The following GRM5 variants were observed in gnomAD, a reference collection of about 807,000 sequenced individuals.
The protein encoded by GRM5 is metabotropic glutamate receptor 5.
GRM5 carries 19 observed loss-of-function variants against 83.1 expected under a neutral mutation model. The observed-to-expected ratio is 0.23, with a 90% confidence interval of 0.16 to 0.34. GRM5 has a LOEUF of 0.34. Among genes scored for constraint, GRM5 ranks in the 10% least tolerant of loss-of-function variants. GRM5 has a pLI of 1.00. For missense variants in GRM5, 1,160 were observed against 1,588.3 expected, an observed-to-expected ratio of 0.73 and a Z score of 4.58; for synonymous variants, 675 against 633.6, an observed-to-expected ratio of 1.07 and a Z score of -0.98.
intron 2 of GRM5, among the ~76,000 whole-genome samples, chr11:88,956,561 C>CTT (rs1938621119): frequency 6.6e-6 from 1 of 152,184 alleles, no homozygotes; most frequent in Non-Finnish European, 1.5e-5. Context: ...AAACCCAGCA[C>CTT]TTTCGGCGGC....
chr11:88,820,585 G>T (rs1227978759), intron 3 of GRM5, among the ~76,000 whole-genome samples: 1 of 152,092 alleles, frequency 6.6e-6, no homozygotes, highest in Non-Finnish European at 1.5e-5. Flanking sequence ...GCAATCTTGG[G>T]CAAATAGCTT....
At chr11:88,667,325 T>G (rs781371056) in intron 3 of GRM5, among the ~76,000 whole-genome samples, 3 of 152,084 alleles carry the variant, frequency 2.0e-5, no homozygotes, top group Non-Finnish European at 4.4e-5. Flanking sequence ...GAAATCATAT[T>G]TGAAGAGATA....
chr11:89,065,017 G>A (rs67346219), intron 1 of GRM5, among the ~76,000 whole-genome samples: 35,256 of 149,202 alleles, frequency 0.24, 4,932 homozygotes, highest in Non-Finnish European at 0.32. Context: ...TCCACTGGGA[G>A]TATATGAACT....
chr11:88,630,596 A>G (rs12291784), intron 4 of GRM5, among the ~76,000 whole-genome samples: 104,939 of 150,212 alleles, frequency 0.7, 41,713 homozygotes, highest in Non-Finnish European at 0.9. Flanking sequence ...CACACATATT[A>G]TGATGGAGTT....
intron 3 of GRM5, among the ~76,000 whole-genome samples, chr11:88,732,169 CA>C (rs1941820805): frequency 6.6e-6 from 1 of 151,988 alleles, no homozygotes; most frequent in Non-Finnish European, 1.5e-5. Flanking sequence ...AAACTAAAAC[CA>C]ATTGTTGAAA....
chr11:88,873,318 T>A (rs1944800194), intron 2 of GRM5, among the ~76,000 whole-genome samples: 1 of 151,588 alleles, frequency 6.6e-6, no homozygotes, highest in Non-Finnish European at 1.5e-5. Context: ...TATAGTGAAA[T>A]ATAGTTTATT....
chr11:89,012,398 G>A (rs538351602), intron 2 of GRM5, among the ~76,000 whole-genome samples: 4 of 152,156 alleles, frequency 2.6e-5, no homozygotes, highest in Admixed American at 6.5e-5. Context: ...CTAATCCAGC[G>A]AATTCTGACA....
intron 2 of GRM5, among the ~76,000 whole-genome samples, chr11:88,925,442 T>A (rs1453433332): frequency 6.6e-6 from 1 of 152,172 alleles, no homozygotes; most frequent in Non-Finnish European, 1.5e-5. Flanking sequence ...ACCCGTCATG[T>A]ATTTCTCTCT....
chr11:88,682,223 T>C (rs1183954409), intron 3 of GRM5, among the ~76,000 whole-genome samples: 1 of 152,172 alleles, frequency 6.6e-6, no homozygotes, highest in African/African-American at 2.4e-5. Context: ...CTGCTTGAGC[T>C]CCAGACTCAT....
At chr11:88,689,165 C>G (rs1192250207) in intron 3 of GRM5, among the ~76,000 whole-genome samples, 1 of 152,018 alleles carries the variant, frequency 6.6e-6, no homozygotes, top group African/African-American at 2.4e-5. Flanking sequence ...TTTGTAAAAA[C>G]AAAACATGCC....
intron 4 of GRM5, among the ~76,000 whole-genome samples, chr11:88,613,959 T>G (rs1938398593): frequency 6.6e-6 from 1 of 152,108 alleles, no homozygotes; most frequent in Non-Finnish European, 1.5e-5. Context: ...CTATTTAACA[T>G]GCTAAGTAAA....
chr11:88,832,438 A>T (rs895448726), intron 3 of GRM5, among the ~76,000 whole-genome samples: 2 of 152,194 alleles, frequency 1.3e-5, no homozygotes, highest in East Asian at 3.8e-4. Flanking sequence ...AAAGAAAACT[A>T]CAAAATTCTG....
chr11:89,029,133 GTA>G (rs1333924063), intron 2 of GRM5, among the ~76,000 whole-genome samples: 1 of 152,170 alleles, frequency 6.6e-6, no homozygotes, highest in Admixed American at 6.5e-5. Context: ...TGCCTGCATA[GTA>G]TTCCATGGTT....
At chr11:89,064,882 C>G (rs373156547) in intron 1 of GRM5, among the ~76,000 whole-genome samples, 8,395 of 59,632 alleles carry the variant, frequency 0.14, 298 homozygotes, top group Middle Eastern at 0.21. Flanking sequence ...CTCTCTCTCT[C>G]TCTCTCTGTG....
At chr11:88,884,970 C>T (rs1945017876) in intron 2 of GRM5, among the ~76,000 whole-genome samples, 1 of 152,074 alleles carries the variant, frequency 6.6e-6, no homozygotes, top group African/African-American at 2.4e-5. Context: ...CCATATTTGT[C>T]CTTAAAATTG....
Position 88,580,852 on chromosome 11 carries a change from C to T in GRM5, c.1690+9749G>A, listed in dbSNP as rs551175494. ...AAATGTAGAAGACATTTAATAAACACCTGTTAGGCCAGGCACAGTGGCTCA... is the reference window on the plus strand; with the variant it reads ...AAATGTAGAAGACATTTAATAAACATCTGTTAGGCCAGGCACAGTGGCTCA... On this transcript the variant is annotated intron_variant, in intron 7 of 9. Coordinates refer to ENST00000305447, the MANE Select transcript of GRM5 (RefSeq NM_001143831.3). 2.0e-4 allele frequency among the ~76,000 whole-genome samples: 30 copies of T among 152,288 alleles called. No homozygotes were observed. In the South Asian group the frequency reaches 6.0e-3, roughly 31 times the overall value.
intron 2 of GRM5, among the ~76,000 whole-genome samples, chr11:88,943,958 C>A (rs1331125500): frequency 3.3e-5 from 5 of 151,964 alleles, no homozygotes; most frequent in South Asian, 4.1e-4. Flanking sequence ...TCTAGCCTTA[C>A]CTCGAGAAGT....
intron 3 of GRM5, among the ~76,000 whole-genome samples, chr11:88,798,654 G>C (rs1943327004): frequency 6.6e-6 from 1 of 151,762 alleles, no homozygotes; most frequent in African/African-American, 2.4e-5. Context: ...GTATGTTTTT[G>C]GAAAGCCTGT....
At chr11:88,985,145 T>C (rs1939663122) in intron 2 of GRM5, among the ~76,000 whole-genome samples, 1 of 152,136 alleles carries the variant, frequency 6.6e-6, no homozygotes, top group Admixed American at 6.5e-5. Context: ...TCACCATGTT[T>C]TTTAAGATTT....
Sources: gnomAD v4.1 joint callset for allele counts (sites outside exome capture counted in the v4.1 genomes callset) on GRCh38, gnomAD v4.1.1 for gene constraint, MANE v1.5 for transcripts, NCBI Gene and HGNC (gene_info 2026-07-23, HGNC 2026-07-21) for gene names.